Variants in MRTFA observed in about 807,000 individuals in gnomAD.
MRTFA encodes myocardin-related transcription factor A.
MRTFA carries 20 observed loss-of-function variants against 83.5 expected under a neutral mutation model. The observed-to-expected ratio is 0.24, with a 90% CI of 0.17 to 0.35. MRTFA has a LOEUF of 0.35. Among genes scored for constraint, MRTFA ranks in the 10% least tolerant of loss-of-function variants. The probability of loss-of-function intolerance (pLI) is 1.00; values close to 1 mark genes in which losing one functional copy is unlikely to be tolerated. For synonymous variants in MRTFA, 659 were observed against 541.2 expected (o/e 1.22, Z -3.02); for missense variants, 1,200 against 1,224.7 (o/e 0.98, Z 0.30).
chr22:40,418,731 G>A lies in MRTFA; in HGVS notation c.2007C>T (p.Ala669=). 1 of 1,461,230 alleles carries A rather than the reference G, an allele frequency of 6.8e-7. No homozygotes were observed. Among genetic ancestry groups the A allele is most frequent in the African/African-American group, 1.4e-5 (1 of 69,102 alleles). 90.5% of individuals were successfully genotyped at this position (1,461,230 alleles called of 1,614,324 possible). ...CCTGCTTCACGGGGGTGCCGAGGGG[G>A]GCGGGGGCGGGGGCGGGCTGCTGGG... Residue 669 remains alanine (A), a synonymous_variant, in exon 12 of 15, where the codon GCC becomes GCT. Coordinates refer to ENST00000355630, the MANE Select transcript of MRTFA (RefSeq NM_020831.6).
At position 40,411,387 on chromosome 22, in the gene MRTFA, G is replaced by C. The variant is rs200903570; in HGVS notation, c.*3C>G. On this transcript the variant is annotated 3_prime_UTR_variant, in exon 15 of 15. Transcript: ENST00000355630. The stretch of plus-strand genomic sequence containing the variant: ...CTTCCCCACCCCGTCTTGAGCCAGA[G>C]AGCTACAAGCAGGAATCCCAGTGCA... 6.5e-7 allele frequency: 1 copy of C among 1,548,172 alleles called. No homozygotes were observed. Among genetic ancestry groups the C allele is most frequent in the African/African-American group, 1.4e-5 (1 of 73,830 alleles).
At chr22:40,417,109 C>A in intron 13 of MRTFA, 63 bp from the exon 14 acceptor site, 1 of 1,520,156 alleles carries the variant, frequency 6.6e-7, no homozygotes. Flanking sequence ...CCAGCCCGAA[C>A]TACGAATGAG....
chr22:40,569,646 T>C (rs981219993), intron 2 of MRTFA: 1 of 152,442 alleles, frequency 6.6e-6, no homozygotes, highest in Non-Finnish European at 1.5e-5. Flanking sequence ...AACTGAGAGA[T>C]GGAGTTTGCC....
intron 3 of MRTFA, among the ~76,000 whole-genome samples, chr22:40,546,146 T>A (rs1602412618): frequency 6.6e-6 from 1 of 152,370 alleles, no homozygotes; most frequent in South Asian, 2.1e-4. Flanking sequence ...CCTCTAACTC[T>A]AGAATTTATT....
intron 4 of MRTFA, among the ~76,000 whole-genome samples, chr22:40,459,979 G>A: frequency 6.6e-6 from 1 of 151,550 alleles, no homozygotes; most frequent in Non-Finnish European, 1.5e-5. Context: ...GGGTCTCGCT[G>A]TTGCCTAGGC....
At chr22:40,525,696 C>T (rs2054958287) in intron 3 of MRTFA, among the ~76,000 whole-genome samples, 1 of 152,146 alleles carries the variant, frequency 6.6e-6, no homozygotes, top group Admixed American at 6.5e-5. Context: ...AGTGCCTCTT[C>T]AGTTAGGGCA....
At chr22:40,420,299 G>T in intron 11 of MRTFA, 106 bp downstream of exon 11, 1 of 1,309,626 alleles carries the variant, frequency 7.6e-7, no homozygotes, top group Admixed American at 2.2e-5. Flanking sequence ...TTCCATGACG[G>T]TGGGTCCTAG....
At position 40,410,763 on chromosome 22, in the gene MRTFA, C is replaced by T. The variant is rs1569242401; in HGVS notation, c.*627G>A. 4.3e-6 allele frequency: 1 copy of T among 232,904 alleles called. No homozygotes were observed. Among genetic ancestry groups the T allele is most frequent in the Non-Finnish European group, 8.5e-6 (1 of 118,016 alleles). 14.4% of individuals were successfully genotyped at this position (232,904 alleles called of 1,614,324 possible). A position where few individuals can be genotyped will look rare whatever the true frequency, so the allele number is the denominator to read the frequency against. On this transcript the variant is annotated 3_prime_UTR_variant, in exon 15 of 15. Transcript: ENST00000355630. ...GAGAGTAGGATGGGAGGGAGTTGCA[C>T]CCATCTCCTGTCCGCCCCCCCCCAA...
chr22:40,489,210 C>G (rs2054227151), intron 3 of MRTFA, among the ~76,000 whole-genome samples: 2 of 152,260 alleles, frequency 1.3e-5, no homozygotes, highest in Admixed American at 1.3e-4. Flanking sequence ...CCTCGAACAC[C>G]TGCTTCAGCC....
intron 4 of MRTFA, among the ~76,000 whole-genome samples, chr22:40,459,822 C>T (rs867929657): frequency 3.8e-3 from 262 of 68,114 alleles, no homozygotes; most frequent in South Asian, 0.014. Context: ...CACACACACA[C>T]ATATATACAT....
rs1246047681 is a variant in MRTFA, at chr22:40,608,911, G to A, written c.-83-14176C>T. ...ACTAAAAATGTAAGATTACCACATCGCACCCATTAGAATGACTGTTATCAA... is the reference window on the plus strand; with the variant it reads ...ACTAAAAATGTAAGATTACCACATCACACCCATTAGAATGACTGTTATCAA... On this transcript the variant is annotated intron_variant, in intron 1 of 14. Transcript: ENST00000355630. 2.0e-5 allele frequency among the ~76,000 whole-genome samples: 3 copies of A among 152,230 alleles called. No homozygotes were observed. The South Asian group carries it at 6.2e-4, about 32-fold the overall frequency.
chr22:40,421,712 A>C (rs1331912081), intron 9 of MRTFA, among the ~76,000 whole-genome samples: 1 of 152,124 alleles, frequency 6.6e-6, no homozygotes, highest in African/African-American at 2.4e-5. Flanking sequence ...ACTGACCAAT[A>C]AGGGCCAGTA....
chr22:40,625,193 TA>T (rs1260794277), intron 1 of MRTFA, among the ~76,000 whole-genome samples: 1 of 151,876 alleles, frequency 6.6e-6, no homozygotes, highest in Non-Finnish European at 1.5e-5. Context: ...ATCTATAAAA[TA>T]GAATAAAAGG....
At chr22:40,587,617 AG>A in intron 2 of MRTFA, 1 of 302,874 alleles carries the variant, frequency 3.3e-6, no homozygotes, top group Non-Finnish European at 6.6e-6. Flanking sequence ...AGAGGCAGCC[AG>A]GGGAGAACAG....
intron 2 of MRTFA, among the ~76,000 whole-genome samples, chr22:40,566,699 G>GT (rs2055708674): frequency 1.3e-5 from 2 of 152,132 alleles, no homozygotes; most frequent in Non-Finnish European, 2.9e-5. Flanking sequence ...GGAGCATGGT[G>GT]GCGAGTGCCT....
chr22:40,418,836 G>T lies in MRTFA; in HGVS notation c.1902C>A (p.Ile634=). Reference sequence around the variant, plus strand: ...GCCGGAGCATGCGCGTCAGCGCCTCGATCTGCTTGTCTTTCTCCTGCAGCA... The same window carrying T: ...GCCGGAGCATGCGCGTCAGCGCCTCTATCTGCTTGTCTTTCTCCTGCAGCA... Residue 634 remains isoleucine (I), a synonymous_variant, in exon 12 of 15, where the codon ATC becomes ATA. Transcript: ENST00000355630. The T allele has an allele frequency of 6.2e-7, 1 of 1,611,788 alleles. No individual in the cohort carries two copies. The highest frequency in any genetic ancestry group is 1.1e-5 in the South Asian group (1 of 91,068).
intron 3 of MRTFA, among the ~76,000 whole-genome samples, chr22:40,498,177 T>C (rs958908725): frequency 6.7e-6 from 1 of 148,332 alleles, no homozygotes; most frequent in Non-Finnish European, 1.5e-5. Context: ...TTTACAAATA[T>C]AGCATGCACT....
At chr22:40,491,113 C>T (rs1390042139) in intron 3 of MRTFA, among the ~76,000 whole-genome samples, 1 of 152,070 alleles carries the variant, frequency 6.6e-6, no homozygotes, top group African/African-American at 2.4e-5. Flanking sequence ...GAGGATGAGG[C>T]GGGAGGATCG....
In MRTFA at chr22:40,418,836, G is replaced by A. The variant is rs780634231; in HGVS notation, c.1902C>T (p.Ile634=). 2.5e-5 allele frequency: 40 copies of A among 1,611,672 alleles called. No individual in the cohort carries two copies. The highest frequency in any genetic ancestry group is 1.6e-4 in the Middle Eastern group (1 of 6,080). The change falls in exon 12 of 15, where the codon ATC becomes ATT. Residue 634 remains isoleucine, a synonymous_variant. Transcript: ENST00000355630. Reference sequence around the variant, plus strand: ...GCCGGAGCATGCGCGTCAGCGCCTCGATCTGCTTGTCTTTCTCCTGCAGCA... The same window carrying A: ...GCCGGAGCATGCGCGTCAGCGCCTCAATCTGCTTGTCTTTCTCCTGCAGCA...
Sources: gnomAD v4.1 joint callset for allele counts (sites outside exome capture counted in the v4.1 genomes callset) on GRCh38, gnomAD v4.1.1 for gene constraint, MANE v1.5 for transcripts, NCBI Gene and HGNC (gene_info 2026-07-23, HGNC 2026-07-21) for gene names.